CSMD1: variants seen among roughly 807,000 people sequenced by gnomAD.
CSMD1 encodes the protein CUB and sushi domain-containing protein 1.
Under a neutral mutation model 417.5 loss-of-function variants are expected in CSMD1, and 213 were observed. That is an observed-to-expected ratio of 0.51 (90% CI 0.46 to 0.57). The LOEUF is 0.57. CSMD1 is among the 20% of genes least tolerant of loss of function. The pLI is 0.00. For synonymous variants in CSMD1, 2,862 were observed against 1,736.8 expected, an observed-to-expected ratio of 1.65 and a Z score of -16.11; for missense variants, 6,923 against 4,529.7, an observed-to-expected ratio of 1.53 and a Z score of -15.17.
At chr8:4,576,359 G>C (rs1338654890) in intron 2 of CSMD1, among the ~76,000 whole-genome samples, 1 of 152,226 alleles carries the variant, frequency 6.6e-6, no homozygotes, top group Non-Finnish European at 1.5e-5. Context: ...TCAGGGGAGA[G>C]TCAGAGGCAT....
At chr8:4,017,575 G>T (rs780181163) in intron 4 of CSMD1, among the ~76,000 whole-genome samples, 7 of 152,206 alleles carry the variant, frequency 4.6e-5, no homozygotes, top group East Asian at 1.9e-4. Context: ...CAAAGTGCTG[G>T]AATTACAGGC....
At chr8:3,243,927 T>C (rs975390892) in intron 26 of CSMD1, among the ~76,000 whole-genome samples, 10 of 152,176 alleles carry the variant, frequency 6.6e-5, no homozygotes, top group African/African-American at 2.4e-4. Flanking sequence ...TTAAACGTTA[T>C]GTAAAATTTT....
chr8:3,317,065 C>T (rs1029704419), intron 23 of CSMD1, among the ~76,000 whole-genome samples: 3 of 152,026 alleles, frequency 2.0e-5, no homozygotes, highest in African/African-American at 7.2e-5. Flanking sequence ...ACACAGAAGA[C>T]TCAGTAGATG....
At chr8:4,416,479 TG>T (rs1399309569) in intron 3 of CSMD1, among the ~76,000 whole-genome samples, 1 of 152,112 alleles carries the variant, frequency 6.6e-6, no homozygotes, top group East Asian at 1.9e-4. Flanking sequence ...GCATTAAAAT[TG>T]ATATTTAGAC....
chr8:3,198,813 G>A lies in CSMD1; in HGVS notation c.5194+901C>T, dbSNP rs148477936. On this transcript the variant is annotated intron_variant, in intron 33 of 69. Coordinates refer to ENST00000635120, the MANE Select transcript of CSMD1 (RefSeq NM_033225.6). ...TTTTCTGGAGGAATCTTTATTAAAG[G>A]AAAGAAACCATTGCTAAGAAAAAAT... Among the ~76,000 whole-genome samples the A allele has an allele frequency of 1.2e-4, 19 of 152,176 alleles. No homozygotes were observed. In the East Asian group the frequency reaches 3.1e-3, roughly 25 times the overall value.
chr8:2,972,399 G>A (rs915869461), intron 57 of CSMD1, among the ~76,000 whole-genome samples: 1 of 152,120 alleles, frequency 6.6e-6, no homozygotes, highest in Non-Finnish European at 1.5e-5. Context: ...ATTTAATTGA[G>A]GAGTTTGCTT....
chr8:4,363,140 G>A (rs1801871769), intron 3 of CSMD1, among the ~76,000 whole-genome samples: 1 of 152,162 alleles, frequency 6.6e-6, no homozygotes, highest in Non-Finnish European at 1.5e-5. Context: ...GTAAATAATA[G>A]GTGAGAGACA....
At chr8:3,782,564 G>C (rs906649376) in intron 5 of CSMD1, among the ~76,000 whole-genome samples, 1 of 152,136 alleles carries the variant, frequency 6.6e-6, no homozygotes, top group Non-Finnish European at 1.5e-5. Context: ...GTTGATGGGC[G>C]CAGCAAACCA....
intron 11 of CSMD1, among the ~76,000 whole-genome samples, chr8:3,482,771 G>C (rs899318252): frequency 2.0e-5 from 3 of 152,140 alleles, no homozygotes; most frequent in African/African-American, 4.8e-5. Context: ...TGAAATCATA[G>C]AGAATTTGTT....
Position 4,959,148 on chromosome 8 carries a change from A to C in CSMD1, c.85+35184T>G, listed in dbSNP as rs78230062. Among the ~76,000 whole-genome samples, 156 of 152,288 alleles carry C rather than the reference A, an allele frequency of 1.0e-3. 3 individuals carry two copies. In the East Asian group the frequency reaches 0.013, roughly 13 times the overall value. On this transcript the variant is annotated intron_variant, in intron 1 of 69. Coordinates refer to ENST00000635120, the MANE Select transcript of CSMD1 (RefSeq NM_033225.6). ...AAGGTTATATGAGAATTTGGAAAGAAATTGCACATATCACTGGTTTCTATG... is the reference window on the plus strand; with the variant it reads ...AAGGTTATATGAGAATTTGGAAAGACATTGCACATATCACTGGTTTCTATG...
At chr8:4,252,499 G>C (rs992932688) in intron 3 of CSMD1, among the ~76,000 whole-genome samples, 1 of 152,222 alleles carries the variant, frequency 6.6e-6, no homozygotes, top group Non-Finnish European at 1.5e-5. Flanking sequence ...TGAGAAGCCA[G>C]AGGCATGTCC....
rs144096960 is a variant in CSMD1 at position 4,879,167 on chromosome 8, G to A, written c.85+115165C>T. ...TGGCAGCTTTAAAAAATATAATAAA[G>A]GAAGGAGAATAGGCAGGCACAGAGA... is the stretch of plus-strand genomic sequence containing the variant. On this transcript the variant is annotated intron_variant, in intron 1 of 69. Coordinates refer to ENST00000635120, the MANE Select transcript of CSMD1 (RefSeq NM_033225.6). Among the ~76,000 whole-genome samples the A allele has an allele frequency of 4.1e-3, 631 of 152,144 alleles. 9 individuals are homozygous for A. The highest frequency in any genetic ancestry group is 0.014 in the Middle Eastern group (4 of 294).
At chr8:4,636,021 T>C (rs919033089) in intron 2 of CSMD1, among the ~76,000 whole-genome samples, 1 of 151,978 alleles carries the variant, frequency 6.6e-6, no homozygotes, top group East Asian at 1.9e-4. Flanking sequence ...TTAATGAATA[T>C]ATTTTATATT....
chr8:3,615,466 G>A (rs73491469), intron 8 of CSMD1, among the ~76,000 whole-genome samples: 3,121 of 152,190 alleles, frequency 0.021, 102 homozygotes, highest in African/African-American at 0.07. Flanking sequence ...GGATTTCAGC[G>A]AAAACACAAA....
chr8:3,545,731 G>A (rs1201014076), intron 10 of CSMD1, among the ~76,000 whole-genome samples: 2 of 152,174 alleles, frequency 1.3e-5, no homozygotes, highest in African/African-American at 4.8e-5. Flanking sequence ...TAATGGTGCT[G>A]ATTATTTTAA....
chr8:4,113,203 C>G (rs1349967070), intron 3 of CSMD1, among the ~76,000 whole-genome samples: 1 of 151,972 alleles, frequency 6.6e-6, no homozygotes, highest in Non-Finnish European at 1.5e-5. Flanking sequence ...GAAATTCGGA[C>G]AGTTAAAAAT....
At chr8:3,833,249 T>C (rs575792991) in intron 5 of CSMD1, among the ~76,000 whole-genome samples, 2 of 152,284 alleles carry the variant, frequency 1.3e-5, no homozygotes, top group Non-Finnish European at 2.9e-5. Flanking sequence ...ATTACACATG[T>C]TGATAATATC....
chr8:4,664,405 C>T (rs961607525), intron 1 of CSMD1, among the ~76,000 whole-genome samples: 3 of 151,892 alleles, frequency 2.0e-5, no homozygotes, highest in Admixed American at 6.6e-5. Flanking sequence ...ACAGTAGAAA[C>T]GAAAATTGAA....
At chr8:4,815,780 G>C (rs1454619565) in intron 1 of CSMD1, among the ~76,000 whole-genome samples, 3 of 148,778 alleles carry the variant, frequency 2.0e-5, no homozygotes, top group Admixed American at 6.7e-5. Context: ...ACATTTTACA[G>C]ATATTAGTAA....
Sources: allele counts gnomAD v4.1 joint callset (sites outside exome capture counted in the v4.1 genomes callset), GRCh38; gene constraint gnomAD v4.1.1; transcripts MANE v1.5; gene names NCBI Gene and HGNC (gene_info 2026-07-23, HGNC 2026-07-21).